The following PTPRD variants were observed in gnomAD, a reference collection of about 807,000 sequenced individuals.
PTPRD encodes protein tyrosine phosphatase receptor type D.
In PTPRD, 34 loss-of-function variants were observed where a neutral mutation model predicts 214.5. The observed-to-expected ratio is 0.16, with a 90% CI of 0.12 to 0.21. The LOEUF is 0.21. PTPRD is among the 10% of genes least tolerant of loss of function. The pLI, the probability that PTPRD is intolerant of heterozygous loss-of-function variation, is 1.00. For missense variants in PTPRD, 2,545 were observed against 2,398.7 expected, an observed-to-expected ratio of 1.06 and a Z score of -1.27; for synonymous variants, 1,128 against 845.7, an observed-to-expected ratio of 1.33 and a Z score of -5.79.
chr9:9,250,994 T>C (rs1284827401), intron 9 of PTPRD, among the ~76,000 whole-genome samples: 1 of 152,072 alleles, frequency 6.6e-6, no homozygotes, highest in Admixed American at 6.6e-5. Flanking sequence ...AGAAATGTAT[T>C]ACATTTGAAA....
intron 9 of PTPRD, among the ~76,000 whole-genome samples, chr9:9,194,379 C>T (rs2099937025): frequency 6.6e-6 from 1 of 152,128 alleles, no homozygotes. Context: ...TTTATTATCA[C>T]TATCAATTAT....
intron 36 of PTPRD, among the ~76,000 whole-genome samples, chr9:8,396,155 A>C (rs76429798): frequency 2.0e-5 from 3 of 152,048 alleles, no homozygotes; most frequent in Admixed American, 6.6e-5. Flanking sequence ...TATGAATATC[A>C]TAATCAAAAA....
At chr9:9,073,089 G>A (rs2099746156) in intron 10 of PTPRD, among the ~76,000 whole-genome samples, 1 of 152,128 alleles carries the variant, frequency 6.6e-6, no homozygotes, top group South Asian at 2.1e-4. Context: ...GAAATAAAAA[G>A]GGGTAAAGAA....
chr9:10,583,456 TC>T (rs2072750148), intron 2 of PTPRD, among the ~76,000 whole-genome samples: 1 of 134,318 alleles, frequency 7.4e-6, no homozygotes, highest in Non-Finnish European at 1.6e-5. Flanking sequence ...AACTAGAAGT[TC>T]TTTTTTTTTT....
intron 10 of PTPRD, among the ~76,000 whole-genome samples, chr9:9,121,974 A>G (rs1306835955): frequency 6.6e-6 from 1 of 152,214 alleles, no homozygotes; most frequent in Non-Finnish European, 1.5e-5. Context: ...GAGCATCAAG[A>G]TATTTGCTAT....
In PTPRD at chr9:9,089,122, A is replaced by AGT. The variant is rs369386116; in HGVS notation, c.-142-70389_-142-70388dup. On this transcript the variant is annotated intron_variant, in intron 10 of 45. Coordinates refer to ENST00000381196, the MANE Select transcript of PTPRD (RefSeq NM_002839.4). ...AAACCCTTTAATGTGGCTGTGTTTA[A>AGT]GTGTGTGTGTGTGTTGAGTGGGGTG... Among the ~76,000 whole-genome samples the AGT allele has an allele frequency of 3.0e-4, 45 of 151,960 alleles. No individual in the cohort carries two copies. The South Asian group carries it at 3.1e-3, about 11-fold the overall frequency.
chr9:8,973,481 T>A (rs1392893265), intron 11 of PTPRD, among the ~76,000 whole-genome samples: 1 of 152,084 alleles, frequency 6.6e-6, no homozygotes, highest in Non-Finnish European at 1.5e-5. Context: ...GGTACCTAGG[T>A]TGATTCCATG....
Position 10,117,346 on chromosome 9 carries a change from T to C in PTPRD, c.-544-83556A>G, listed in dbSNP as rs114566237. Among the ~76,000 whole-genome samples, 667 of 152,230 alleles carry C rather than the reference T, an allele frequency of 4.4e-3. 5 individuals carry two copies. Among genetic ancestry groups the C allele is most frequent in the African/African-American group, 0.015 (641 of 41,546 alleles). On this transcript the variant is annotated intron_variant, in intron 3 of 45. Coordinates refer to ENST00000381196, the MANE Select transcript of PTPRD (RefSeq NM_002839.4). Reference sequence around the variant, plus strand: ...AGCATACTTGTTAACTGAAAGTGTCTATGGACAATGTATTAATTTCCTAGT... The same window carrying C: ...AGCATACTTGTTAACTGAAAGTGTCCATGGACAATGTATTAATTTCCTAGT...
chr9:9,827,724 T>C (rs1565568179), intron 5 of PTPRD, among the ~76,000 whole-genome samples: 1 of 151,942 alleles, frequency 6.6e-6, no homozygotes, highest in African/African-American at 2.4e-5. Flanking sequence ...ACAGAAAACC[T>C]ACAGAATGGG....
intron 8 of PTPRD, among the ~76,000 whole-genome samples, chr9:9,554,997 AT>A (rs542074541): frequency 2.6e-5 from 4 of 152,176 alleles, no homozygotes; most frequent in Admixed American, 2.6e-4. Flanking sequence ...ATGGGTTAGA[AT>A]TTTTATCATT....
chr9:10,501,495 C>T (rs1359403187), intron 2 of PTPRD, among the ~76,000 whole-genome samples: 1 of 151,758 alleles, frequency 6.6e-6, no homozygotes, highest in Admixed American at 6.6e-5. Flanking sequence ...GTGTTTACTT[C>T]GTTGACTTCA....
At chr9:8,593,547 C>A (rs976448983) in intron 14 of PTPRD, among the ~76,000 whole-genome samples, 2 of 152,184 alleles carry the variant, frequency 1.3e-5, no homozygotes, top group African/African-American at 4.8e-5. Context: ...TTGTAAACTC[C>A]TACTTCCTCA....
intron 3 of PTPRD, among the ~76,000 whole-genome samples, chr9:10,333,237 A>T (rs2096783851): frequency 6.6e-6 from 1 of 151,740 alleles, no homozygotes; most frequent in Non-Finnish European, 1.5e-5. Flanking sequence ...GGAGCAGAAA[A>T]TTCAGTAAGC....
At chr9:8,327,665 G>A (rs1375553950) in intron 44 of PTPRD, among the ~76,000 whole-genome samples, 1 of 152,118 alleles carries the variant, frequency 6.6e-6, no homozygotes, top group Non-Finnish European at 1.5e-5. Context: ...TATTGTGTGG[G>A]AGTCTAAGTC....
chr9:10,386,641 A>C (rs12006444), intron 2 of PTPRD, among the ~76,000 whole-genome samples: 9,631 of 126,570 alleles, frequency 0.076, 405 homozygotes, highest in African/African-American at 0.15. Flanking sequence ...GAAATTAAGA[A>C]CAAAGCCCAA....
intron 8 of PTPRD, among the ~76,000 whole-genome samples, chr9:9,494,885 T>A (rs1270470975): frequency 6.6e-6 from 1 of 152,162 alleles, no homozygotes; most frequent in African/African-American, 2.4e-5. Context: ...AAGAAAACTG[T>A]AAGATTCACA....
At chr9:9,593,226 C>A (rs542321007) in intron 7 of PTPRD, among the ~76,000 whole-genome samples, 1 of 150,434 alleles carries the variant, frequency 6.6e-6, no homozygotes, top group Admixed American at 6.6e-5. Flanking sequence ...TTTCCCCCCC[C>A]TCAAAGAAAA....
chr9:8,635,906 C>A lies in PTPRD; in HGVS notation c.210+793G>T, dbSNP rs116135737. Among the ~76,000 whole-genome samples the A allele has an allele frequency of 1.2e-3, 184 of 152,234 alleles. 2 individuals are homozygous for A. The highest frequency in any genetic ancestry group is 4.3e-3 in the African/African-American group (178 of 41,552). On this transcript the variant is annotated intron_variant, in intron 13 of 45. Coordinates refer to ENST00000381196, the MANE Select transcript of PTPRD (RefSeq NM_002839.4). ...CAGAATGAGCAAATTTCTAAACCAT[C>A]AGCCTTCTCACAAACACTCAAAAAA... is the stretch of plus-strand genomic sequence containing the variant.
At chr9:9,999,138 G>C (rs1027108157) in intron 4 of PTPRD, among the ~76,000 whole-genome samples, 29 of 152,166 alleles carry the variant, frequency 1.9e-4, no homozygotes, top group African/African-American at 7.0e-4. Flanking sequence ...AGGAGATCTG[G>C]TATTAGTGAA....
Sources: allele counts gnomAD v4.1 joint callset (sites outside exome capture counted in the v4.1 genomes callset), GRCh38; gene constraint gnomAD v4.1.1; transcripts MANE v1.5; gene names NCBI Gene and HGNC (gene_info 2026-07-23, HGNC 2026-07-21).